The following LRRC4C variants were observed in gnomAD, a reference collection of about 807,000 sequenced individuals.
LRRC4C encodes the protein leucine rich repeat containing 4C, also known as leucine-rich repeat-containing protein 4C.
In LRRC4C, 5 loss-of-function variants were observed where a neutral mutation model predicts 33.6. That is an observed-to-expected ratio of 0.15 (90% CI 0.08 to 0.31). LRRC4C has a LOEUF of 0.31. Among genes scored for constraint, LRRC4C ranks in the 10% least tolerant of loss-of-function variants. The probability of loss-of-function intolerance (pLI) is 1.00; values close to 1 mark genes in which losing one functional copy is unlikely to be tolerated. For synonymous variants in LRRC4C, 329 were observed against 302.0 expected (o/e 1.09, Z -0.93); for missense variants, 560 against 796.7 (o/e 0.70, Z 3.58).
chr11:40,615,255 TATATATATATACAC>T (rs769909888), intron 3 of LRRC4C, among the ~76,000 whole-genome samples: 979 of 90,020 alleles, frequency 0.011, 8 homozygotes, highest in Admixed American at 0.017. Flanking sequence ...TATATATATA[TATATATATATACAC>T]ACACACACAC....
chr11:41,229,175 A>G lies in LRRC4C; in HGVS notation c.-496+230256T>C, dbSNP rs139331857. Reference sequence around the variant, plus strand: ...AAGGCCTAACCTCTTAGATGACTGTATTTGGAGATCAGGTCACTGGTATCC... The same window carrying G: ...AAGGCCTAACCTCTTAGATGACTGTGTTTGGAGATCAGGTCACTGGTATCC... On this transcript the variant is annotated intron_variant, in intron 1 of 6. Coordinates refer to ENST00000528697, the MANE Select transcript of LRRC4C (RefSeq NM_001258419.2). Among the ~76,000 whole-genome samples the G allele has an allele frequency of 4.1e-4, 63 of 152,204 alleles. No homozygotes were observed. The East Asian group carries it at 0.01, about 25-fold the overall frequency.
intron 3 of LRRC4C, among the ~76,000 whole-genome samples, chr11:40,466,950 A>G (rs1420108147): frequency 6.6e-6 from 1 of 152,104 alleles, no homozygotes; most frequent in East Asian, 1.9e-4. Context: ...GATAATTTAC[A>G]TTTTCATAAA....
At chr11:40,759,949 CA>C (rs150811416) in intron 2 of LRRC4C, among the ~76,000 whole-genome samples, 46,287 of 130,538 alleles carry the variant, frequency 0.35, 7,854 homozygotes, top group Middle Eastern at 0.43. Flanking sequence ...AACAAACAAA[CA>C]AACAACAACA....
chr11:41,437,071 GT>G (rs534858005), intron 1 of LRRC4C, among the ~76,000 whole-genome samples: 4 of 152,216 alleles, frequency 2.6e-5, no homozygotes, highest in African/African-American at 9.6e-5. Flanking sequence ...GAAAATTACT[GT>G]TACTAAATGT....
At chr11:41,348,573 G>T (rs1440259396) in intron 1 of LRRC4C, among the ~76,000 whole-genome samples, 1 of 151,546 alleles carries the variant, frequency 6.6e-6, no homozygotes, top group Non-Finnish European at 1.5e-5. Flanking sequence ...ACTAGATACA[G>T]CCAGGAAGAG....
At chr11:40,223,744 C>G (rs1187738892) in intron 5 of LRRC4C, among the ~76,000 whole-genome samples, 1 of 152,150 alleles carries the variant, frequency 6.6e-6, no homozygotes, top group Admixed American at 6.6e-5. Flanking sequence ...ATGAAAAGTG[C>G]CAACCACAAT....
chr11:40,870,969 G>A (rs942142438), intron 2 of LRRC4C, among the ~76,000 whole-genome samples: 2 of 152,148 alleles, frequency 1.3e-5, no homozygotes, highest in African/African-American at 4.8e-5. Context: ...GAAAGAGAAT[G>A]CTTCCCTGAG....
At chr11:41,098,580 A>G (rs1431149325) in intron 1 of LRRC4C, among the ~76,000 whole-genome samples, 1 of 152,176 alleles carries the variant, frequency 6.6e-6, no homozygotes, top group Non-Finnish European at 1.5e-5. Context: ...GTTTACAGCA[A>G]GTAAGCTTCT....
intron 3 of LRRC4C, among the ~76,000 whole-genome samples, chr11:40,559,469 G>A (rs1279195102): frequency 6.6e-6 from 1 of 152,142 alleles, no homozygotes; most frequent in Non-Finnish European, 1.5e-5. Context: ...ACAGGCTGGA[G>A]CCACTGTGCC....
At chr11:41,229,906 A>G (rs1318785701) in intron 1 of LRRC4C, among the ~76,000 whole-genome samples, 1 of 152,054 alleles carries the variant, frequency 6.6e-6, no homozygotes, top group Non-Finnish European at 1.5e-5. Flanking sequence ...CTTGTTTTTT[A>G]CCATGTACAA....
chr11:40,126,798 T>TAAAA (rs1166253992), intron 6 of LRRC4C, among the ~76,000 whole-genome samples: 3 of 151,922 alleles, frequency 2.0e-5, no homozygotes, highest in African/African-American at 7.2e-5. Context: ...CCATCTCTAC[T>TAAAA]AAAAATACAA....
Position 40,768,707 on chromosome 11 carries a change from A to T in LRRC4C, c.-406-120429T>A, listed in dbSNP as rs377019475. Reference sequence around the variant, plus strand: ...TCATATGCAAATCAATCAGTGTGATACATTGTATTAACAGAAAGAAGGAAA... The same window carrying T: ...TCATATGCAAATCAATCAGTGTGATTCATTGTATTAACAGAAAGAAGGAAA... On this transcript the variant is annotated intron_variant, in intron 2 of 6. Transcript: ENST00000528697. Among the ~76,000 whole-genome samples the T allele has an allele frequency of 9.8e-5, 15 of 152,298 alleles. No individual in the cohort carries two copies. The South Asian group carries it at 2.3e-3, about 23-fold the overall frequency.
chr11:40,711,289 G>T (rs953072519), intron 2 of LRRC4C, among the ~76,000 whole-genome samples: 1 of 152,154 alleles, frequency 6.6e-6, no homozygotes, highest in Non-Finnish European at 1.5e-5. Context: ...CACACTGGGA[G>T]CTGCAGATGG....
At chr11:40,229,939 A>G (rs968328003) in intron 5 of LRRC4C, among the ~76,000 whole-genome samples, 1 of 152,218 alleles carries the variant, frequency 6.6e-6, no homozygotes, top group South Asian at 2.1e-4. Context: ...ATCTTTTATT[A>G]TCGTGATGTT....
intron 1 of LRRC4C, among the ~76,000 whole-genome samples, chr11:41,270,881 C>T (rs1019661909): frequency 1.3e-5 from 2 of 152,046 alleles, no homozygotes; most frequent in Non-Finnish European, 2.9e-5. Context: ...GGTATTTGCT[C>T]CATGTCTCTC....
chr11:40,641,916 A>T (rs1249528735), intron 3 of LRRC4C, among the ~76,000 whole-genome samples: 3 of 152,030 alleles, frequency 2.0e-5, no homozygotes, highest in African/African-American at 7.2e-5. Context: ...CATAGACTTT[A>T]TCATAAATTG....
At chr11:40,712,012 A>C (rs755048798) in intron 2 of LRRC4C, among the ~76,000 whole-genome samples, 25 of 152,216 alleles carry the variant, frequency 1.6e-4, no homozygotes, top group African/African-American at 5.8e-4. Context: ...CTTGCAGAGT[A>C]GTGTGGTAAT....
At chr11:40,237,766 G>A (rs540596289) in intron 5 of LRRC4C, among the ~76,000 whole-genome samples, 1 of 152,180 alleles carries the variant, frequency 6.6e-6, no homozygotes, top group African/African-American at 2.4e-5. Flanking sequence ...TTTGAGTATT[G>A]CCTGGAATTT....
At position 40,525,179 on chromosome 11, in the gene LRRC4C, G is replaced by A. The variant is rs905963587; in HGVS notation, c.-270+122963C>T. 1.6e-4 allele frequency among the ~76,000 whole-genome samples: 25 copies of A among 152,268 alleles called. No homozygotes were observed. The South Asian group carries it at 2.3e-3, about 14-fold the overall frequency. ...GAAAGGGGCTGGGCCGGGCGCCGTG[G>A]CTCACACCTGTAATCCCAGCACTTT... On this transcript the variant is annotated intron_variant, in intron 3 of 6. Coordinates refer to ENST00000528697, the MANE Select transcript of LRRC4C (RefSeq NM_001258419.2).
Sources: allele counts gnomAD v4.1 joint callset (sites outside exome capture counted in the v4.1 genomes callset), GRCh38; gene constraint gnomAD v4.1.1; transcripts MANE v1.5; gene names NCBI Gene and HGNC (gene_info 2026-07-23, HGNC 2026-07-21).